Variants in KALRN observed in about 807,000 individuals in gnomAD.
The protein encoded by KALRN is kalirin RhoGEF kinase, also known as kalirin.
In KALRN, 70 loss-of-function variants were observed where a neutral mutation model predicts 353.7. The observed-to-expected ratio is 0.20, with a 90% CI of 0.16 to 0.24. The LOEUF is 0.24. KALRN is among the 10% of genes least tolerant of loss of function. The pLI is 1.00. For synonymous variants in KALRN, 1,391 were observed against 1,434.8 expected, an observed-to-expected ratio of 0.97 and a Z score of 0.69; for missense variants, 2,791 against 3,756.7, an observed-to-expected ratio of 0.74 and a Z score of 6.72.
chr3:124,640,603 T>A (rs1455135550), intron 37 of KALRN, among the ~76,000 whole-genome samples: 1 of 152,098 alleles, frequency 6.6e-6, no homozygotes, highest in Non-Finnish European at 1.5e-5. Context: ...TATTATTCTA[T>A]TCTAAATGCA....
chr3:124,423,088 A>G (rs1387284573), intron 15 of KALRN, 110 bp downstream of exon 15: 22 of 972,842 alleles, frequency 2.3e-5, no homozygotes, highest in Non-Finnish European at 2.9e-5. Flanking sequence ...TGCCCCTTTA[A>G]GTAACCAGCA....
At chr3:124,383,113 A>G (rs1158570010) in intron 10 of KALRN, among the ~76,000 whole-genome samples, 5 of 152,176 alleles carry the variant, frequency 3.3e-5, no homozygotes, top group Admixed American at 2.0e-4. Flanking sequence ...TCTCACCAGC[A>G]TTGGAACGAT....
chr3:124,236,401 G>A (rs1273703559), intron 3 of KALRN, among the ~76,000 whole-genome samples: 2 of 152,114 alleles, frequency 1.3e-5, no homozygotes, highest in African/African-American at 4.8e-5. Context: ...AGCCATCTAG[G>A]AGCTAAGCAG....
chr3:124,628,366 T>C (rs2080294344), intron 34 of KALRN, among the ~76,000 whole-genome samples: 1 of 17,794 alleles, frequency 5.6e-5, no homozygotes, highest in African/African-American at 1.9e-4. Context: ...CCTTCTTCTT[T>C]CCTTCCCTCC....
At chr3:124,525,163 T>G (rs2067481168) in intron 33 of KALRN, among the ~76,000 whole-genome samples, 1 of 152,204 alleles carries the variant, frequency 6.6e-6, no homozygotes, top group Non-Finnish European at 1.5e-5. Context: ...AGTGGCATGA[T>G]AGTACAGCCA....
chr3:124,535,735 A>T (rs140817767), intron 33 of KALRN, among the ~76,000 whole-genome samples: 1 of 152,358 alleles, frequency 6.6e-6, no homozygotes, highest in Non-Finnish European at 1.5e-5. Context: ...GCTTGGCTGC[A>T]TATAAAAGAA....
Position 124,474,691 on chromosome 3 carries a change from G to A in KALRN, c.4060G>A (p.Glu1354Lys), listed in dbSNP as rs1382006517. ...NIFLKELEKY[E>K]QLPEDVGHCF... ...CTTCCTCAAAGAGCTGGAGAAGTAC[G>A]AGCAACTGCCTGAGGATGTGGGACA... The change falls in exon 26 of 60, where the codon GAG (glutamate) becomes AAG (lysine). Residue 1354 changes from glutamate (E) to lysine (K), a missense_variant. Glu to Lys is a moderately conservative substitution (Grantham distance 56). Transcript: ENST00000682506. The A allele has an allele frequency of 3.7e-6, 6 of 1,614,064 alleles. No individual in the cohort carries two copies. The highest frequency in any genetic ancestry group is 5.1e-6 in the Non-Finnish European group (6 of 1,179,964).
At chr3:124,082,986 ACCT>A (rs1188709111) in intron 1 of KALRN, among the ~76,000 whole-genome samples, 3 of 152,122 alleles carry the variant, frequency 2.0e-5, no homozygotes, top group Non-Finnish European at 4.4e-5. Context: ...TACTTGGTTG[ACCT>A]CCTGCCTTGG....
chr3:124,099,195 C>T (rs1218747502), intron 1 of KALRN, among the ~76,000 whole-genome samples: 2 of 152,136 alleles, frequency 1.3e-5, no homozygotes, highest in African/African-American at 4.8e-5. Flanking sequence ...TGCTATCAAA[C>T]CCTAGAACTT....
rs186240511 is a variant in KALRN, at chr3:124,696,070, A to G, written c.7578-64A>G. The G allele has an allele frequency of 5.7e-6, 9 of 1,585,950 alleles. No individual in the cohort carries two copies. In the African/African-American group the frequency reaches 1.2e-4, roughly 21 times the overall value. On this transcript the variant is annotated intron_variant, in intron 53 of 59. Transcript: ENST00000682506. The stretch of plus-strand genomic sequence containing the variant: ...GCACACCATGGGCCAACCCTATGGG[A>G]TTTTACCCAGCAGTCAAGTGTCTCA...
intron 52 of KALRN, 89 bp downstream of exon 52, chr3:124,693,920 T>C (rs2061938294): frequency 5.6e-6 from 5 of 898,734 alleles, no homozygotes; most frequent in Admixed American, 2.4e-5. Context: ...CTGTAAGCAA[T>C]GGTGATATAG....
At chr3:124,146,874 CA>C (rs34633708) in intron 1 of KALRN, among the ~76,000 whole-genome samples, 11 of 49,920 alleles carry the variant, frequency 2.2e-4, no homozygotes, top group East Asian at 1.3e-3. Context: ...GACTCTGTCT[CA>C]AAAAAAAAAA....
intron 33 of KALRN, among the ~76,000 whole-genome samples, chr3:124,541,516 T>C (rs2069027013): frequency 6.6e-6 from 1 of 152,100 alleles, no homozygotes; most frequent in Admixed American, 6.5e-5. Flanking sequence ...CCACGCAGTT[T>C]TATTTTGCTA....
intron 33 of KALRN, among the ~76,000 whole-genome samples, chr3:124,499,085 A>G (rs964437356): frequency 2.6e-5 from 4 of 152,254 alleles, no homozygotes; most frequent in Non-Finnish European, 2.9e-5. Context: ...GCTTCTAGAA[A>G]AATGCCCCAG....
At chr3:124,534,225 C>T (rs963388528) in intron 33 of KALRN, among the ~76,000 whole-genome samples, 2 of 152,162 alleles carry the variant, frequency 1.3e-5, no homozygotes, top group African/African-American at 4.8e-5. Context: ...TAAGTAAAAA[C>T]AGGGAATCTG....
At chr3:124,556,505 G>C (rs1299856582) in intron 33 of KALRN, among the ~76,000 whole-genome samples, 3 of 152,192 alleles carry the variant, frequency 2.0e-5, no homozygotes, top group Non-Finnish European at 4.4e-5. Flanking sequence ...GTAGGGCGAG[G>C]ACAGAAGTTT....
intron 10 of KALRN, among the ~76,000 whole-genome samples, chr3:124,373,739 T>C (rs572151209): frequency 2.0e-5 from 3 of 152,276 alleles, no homozygotes; most frequent in Admixed American, 6.5e-5. Flanking sequence ...CATACCACAC[T>C]ATGGGCCTAC....
chr3:124,209,497 A>AG (rs1342780879), intron 1 of KALRN, among the ~76,000 whole-genome samples: 1 of 148,834 alleles, frequency 6.7e-6, no homozygotes, highest in African/African-American at 2.5e-5. Flanking sequence ...TGTCTCAAAA[A>AG]AAAAAAAAAA....
chr3:124,149,337 T>C (rs1482760441), intron 1 of KALRN, among the ~76,000 whole-genome samples: 1 of 152,170 alleles, frequency 6.6e-6, no homozygotes, highest in African/African-American at 2.4e-5. Flanking sequence ...ATTGAAACCA[T>C]TGCTACAAGT....
Sources: gnomAD v4.1 joint callset for allele counts (sites outside exome capture counted in the v4.1 genomes callset) on GRCh38, gnomAD v4.1.1 for gene constraint, MANE v1.5 for transcripts, NCBI Gene and HGNC (gene_info 2026-07-23, HGNC 2026-07-21) for gene names.